The following PDGFA variants were observed in gnomAD, a reference collection of about 807,000 sequenced individuals.
PDGFA encodes platelet derived growth factor subunit A.
A neutral mutation model predicts 25.6 loss-of-function variants in PDGFA; 9 were observed. The observed-to-expected ratio is 0.35, with a 90% CI of 0.21 to 0.61. PDGFA has a LOEUF of 0.61. Among genes scored for constraint, PDGFA ranks in the 20% least tolerant of loss-of-function variants. The pLI, the probability that PDGFA is intolerant of heterozygous loss-of-function variation, is 0.75. For synonymous variants in PDGFA, 133 were observed against 111.8 expected (o/e 1.19, Z -1.20); for missense variants, 242 against 272.8 (o/e 0.89, Z 0.79).
intron 4 of PDGFA, among the ~76,000 whole-genome samples, chr7:508,648 G>A (rs932120127): frequency 6.7e-6 from 1 of 148,934 alleles, no homozygotes; most frequent in Non-Finnish European, 1.5e-5. Context: ...CTGGACTAGG[G>A]GCCGCACCCG....
chr7:506,112 G>A (rs2128395736), intron 4 of PDGFA, among the ~76,000 whole-genome samples: 1 of 149,636 alleles, frequency 6.7e-6, no homozygotes, highest in East Asian at 2.0e-4. Flanking sequence ...GGAGGTGGAG[G>A]TTGCAGTGAG....
rs193154707 is a variant in PDGFA at position 503,793 on chromosome 7, G to C, written c.454-2551C>G. Among the ~76,000 whole-genome samples, 4 of 152,312 alleles carry C rather than the reference G, an allele frequency of 2.6e-5. No individual in the cohort carries two copies. In the East Asian group the frequency reaches 7.7e-4, roughly 29 times the overall value. Reference sequence around the variant, plus strand: ...GGCGTGAGCAGACAGCCAAGTATGAGCTCAACAGTTGCAGGGCGTGGGGCG... The same window carrying C: ...GGCGTGAGCAGACAGCCAAGTATGACCTCAACAGTTGCAGGGCGTGGGGCG... On this transcript the variant is annotated intron_variant, in intron 4 of 5. Transcript: ENST00000402802.
At chr7:497,767 C>T (rs1346736568) in exon 6 of PDGFA, 1 of 149,044 alleles carries the variant, frequency 6.7e-6, no homozygotes, top group African/African-American at 2.5e-5. Context: ...TATTTTAATA[C>T]ATCTCATTAG....
chr7:501,345 C>T, intron 4 of PDGFA, 103 bp from the exon 5 acceptor site: 1 of 1,378,318 alleles, frequency 7.3e-7, no homozygotes, highest in Non-Finnish European at 1.0e-6. Flanking sequence ...AGAGAGCAGC[C>T]TGACCCCTGA....
intron 5 of PDGFA, among the ~76,000 whole-genome samples, chr7:499,692 T>C (rs1782238088): frequency 7.6e-6 from 1 of 131,152 alleles, no homozygotes; most frequent in South Asian, 2.5e-4. Flanking sequence ...ATTTCCAGGA[T>C]AGCTCTCTAA....
chr7:500,958 C>G lies in PDGFA; in HGVS notation c.580+158G>C, dbSNP rs1782307596. 1 of 1,596,544 alleles carries G rather than the reference C, an allele frequency of 6.3e-7. No individual in the cohort carries two copies. On this transcript the variant is annotated intron_variant, in intron 5 of 5. Transcript: ENST00000402802. The surrounding 1 kb of genome is among the most constrained non-coding windows in gnomAD (Gnocchi z 5.0). Reference sequence around the variant, plus strand: ...GCAGGTGTGGGATCCGTCTCCCCCGCAGGCATCTGGCCCGGGAGCAGGGCA... The same window carrying G: ...GCAGGTGTGGGATCCGTCTCCCCCGGAGGCATCTGGCCCGGGAGCAGGGCA...
intron 4 of PDGFA, among the ~76,000 whole-genome samples, chr7:502,691 G>A (rs928925776): frequency 6.6e-6 from 1 of 151,994 alleles, no homozygotes; most frequent in African/African-American, 2.4e-5. Flanking sequence ...CCCCTTCCCC[G>A]GGGAGCTGCA....
chr7:518,627 C>A, intron 1 of PDGFA: 1 of 340,838 alleles, frequency 2.9e-6, no homozygotes, highest in East Asian at 4.5e-5. Flanking sequence ...TCCCCGCACC[C>A]CGCTGCTGCA....
chr7:504,635 G>C (rs1368988846), intron 4 of PDGFA, among the ~76,000 whole-genome samples: 1 of 152,262 alleles, frequency 6.6e-6, no homozygotes, highest in Non-Finnish European at 1.5e-5. Flanking sequence ...GGGTGGCCAA[G>C]TGAGGCATGG....
chr7:501,077 T>G (rs778997496), intron 5 of PDGFA, 39 bp downstream of exon 5: 2 of 1,613,968 alleles, frequency 1.2e-6, no homozygotes, highest in Non-Finnish European at 1.7e-6. Context: ...TCTGAAGACC[T>G]GTTCTCCAAC....
At chr7:520,015 G>T, upstream of PDGFA, 2 of 382,808 alleles carry the variant, frequency 5.2e-6, no homozygotes, top group South Asian at 3.5e-5. Flanking sequence ...CCGCCGCCGC[G>T]GCAGGGAGCA....
chr7:506,217 T>C (rs1782561544), intron 4 of PDGFA, among the ~76,000 whole-genome samples: 1 of 147,928 alleles, frequency 6.8e-6, no homozygotes, highest in Admixed American at 6.8e-5. Flanking sequence ...GTGGAGGAGG[T>C]TCATACCTGT....
intron 2 of PDGFA, among the ~76,000 whole-genome samples, chr7:514,762 T>C (rs1783012922): frequency 1.3e-5 from 2 of 152,224 alleles, no homozygotes; most frequent in Admixed American, 6.5e-5. Context: ...GCTCCCCAGC[T>C]GCCACTGCAC....
intron 5 of PDGFA, 47 bp downstream of exon 5, chr7:501,069 T>C (rs370109834): frequency 4.3e-6 from 7 of 1,613,886 alleles, no homozygotes; most frequent in Admixed American, 1.7e-5. Context: ...AGCAAGGCTC[T>C]GAAGACCTGT....
exon 1 of PDGFA, chr7:519,055 C>T: frequency 7.1e-7 from 1 of 1,403,834 alleles, no homozygotes; most frequent in Admixed American, 2.1e-5. Flanking sequence ...GGGGCGGGCG[C>T]TCCAGCCGGT....
chr7:511,379 G>A, intron 3 of PDGFA, among the ~76,000 whole-genome samples: 1 of 36,790 alleles, frequency 2.7e-5, no homozygotes, highest in African/African-American at 4.8e-5. Flanking sequence ...GAGACTGGGG[G>A]TGGCAGGGGC....
At chr7:511,552 C>T (rs958557913) in intron 3 of PDGFA, among the ~76,000 whole-genome samples, 10 of 152,170 alleles carry the variant, frequency 6.6e-5, no homozygotes, top group African/African-American at 2.2e-4. Context: ...CTGCTTGCAT[C>T]AGCTGGGACT....
chr7:514,280 A>C (rs2128403985), intron 2 of PDGFA, among the ~76,000 whole-genome samples: 1 of 152,312 alleles, frequency 6.6e-6, no homozygotes, highest in South Asian at 2.1e-4. Context: ...TCCACAGAGC[A>C]CAGTCCCCGT....
In PDGFA at chr7:515,936, C is replaced by T. The variant is rs545267676; in HGVS notation, c.160+1458G>A. On this transcript the variant is annotated intron_variant, in intron 2 of 5. Transcript: ENST00000402802. ...AGAAAGTGAATGGCCCATTTCCCTG[C>T]AGCTTCCAAAGCCAGTCCCACGAGG... is the stretch of plus-strand genomic sequence containing the variant. Among the ~76,000 whole-genome samples the T allele has an allele frequency of 2.6e-5, 4 of 151,900 alleles. No homozygotes were observed. In the East Asian group the frequency reaches 7.8e-4, roughly 29 times the overall value.
Sources: gnomAD v4.1 joint callset for allele counts (sites outside exome capture counted in the v4.1 genomes callset) on GRCh38, gnomAD v4.1.1 for gene constraint, Gnocchi (gnomAD v3.1) non-coding constraint, MANE v1.5 for transcripts, NCBI Gene and HGNC (gene_info 2026-07-23, HGNC 2026-07-21) for gene names.